The following IGSF21 variants were observed in gnomAD, a reference collection of about 807,000 sequenced individuals.
IGSF21 encodes the protein immunoglobin superfamily member 21.
Under a neutral mutation model 46.8 loss-of-function variants are expected in IGSF21, and 28 were observed. The ratio of observed to expected loss-of-function variants is 0.60; its 90% confidence interval spans 0.44 to 0.82. The LOEUF is 0.82. Ranked by LOEUF, IGSF21 falls within the 40% of genes least tolerant of loss-of-function variation. The probability of loss-of-function intolerance (pLI) is 0.00; values close to 1 mark genes in which losing one functional copy is unlikely to be tolerated. For missense variants in IGSF21, 624 were observed against 665.5 expected (o/e 0.94, Z 0.69); for synonymous variants, 284 against 273.6 (o/e 1.04, Z -0.38).
At position 18,365,982 on chromosome 1, in the gene IGSF21, CA is replaced by C. The variant is rs1557663284; in HGVS notation, c.1015+286del. On this transcript the variant is annotated intron_variant, in intron 6 of 9. Coordinates refer to ENST00000251296, the MANE Select transcript of IGSF21 (RefSeq NM_032880.5). This position sits in a 1 kb window ranked among gnomAD's most constrained non-coding sequence, Gnocchi z 4.8. Reference sequence around the variant, plus strand: ...GGATAGGGTCAGGGACACAGGAGATCAGGGGAGGTCAGAGGAGTTCCTGGAT... The same window carrying C: ...GGATAGGGTCAGGGACACAGGAGATCGGGGAGGTCAGAGGAGTTCCTGGAT... Among the ~76,000 whole-genome samples the C allele has an allele frequency of 6.6e-6, 1 of 151,910 alleles. No individual in the cohort carries two copies. The highest frequency in any genetic ancestry group is 1.5e-5 in the Non-Finnish European group (1 of 68,002).
chr1:18,252,569 G>T (rs544053393), intron 2 of IGSF21, among the ~76,000 whole-genome samples: 1 of 152,150 alleles, frequency 6.6e-6, no homozygotes, highest in Non-Finnish European at 1.5e-5. Flanking sequence ...AGTGATTTCC[G>T]GATTTCTTCT....
chr1:18,163,094 G>C (rs2086642768), intron 1 of IGSF21, among the ~76,000 whole-genome samples: 1 of 152,138 alleles, frequency 6.6e-6, no homozygotes, highest in Non-Finnish European at 1.5e-5. Context: ...TGTTTCCATG[G>C]GGCTTGGGGG....
At chr1:18,351,305 G>T (rs1331563917) in intron 4 of IGSF21, among the ~76,000 whole-genome samples, 1 of 152,020 alleles carries the variant, frequency 6.6e-6, no homozygotes, top group African/African-American at 2.4e-5. Context: ...TTCATTCTAT[G>T]GGTGGGGGGG....
intron 1 of IGSF21, among the ~76,000 whole-genome samples, chr1:18,143,755 T>A (rs1007594370): frequency 6.6e-6 from 1 of 152,144 alleles, no homozygotes; most frequent in African/African-American, 2.4e-5. Flanking sequence ...TGCCTTCCCT[T>A]CTATGTCTCT....
intron 1 of IGSF21, among the ~76,000 whole-genome samples, chr1:18,150,426 A>G (rs150775002): frequency 2.0e-5 from 3 of 152,078 alleles, no homozygotes; most frequent in Admixed American, 6.5e-5. Flanking sequence ...GTCTCAGGAT[A>G]CTTAAGGTAG....
At chr1:18,283,211 A>G (rs1054676517) in intron 2 of IGSF21, among the ~76,000 whole-genome samples, 1 of 152,142 alleles carries the variant, frequency 6.6e-6, no homozygotes, top group Non-Finnish European at 1.5e-5. Context: ...GAGACAGGCA[A>G]TTTATGACAC....
At chr1:18,342,450 C>T (rs75787975) in intron 4 of IGSF21, among the ~76,000 whole-genome samples, 2,907 of 152,222 alleles carry the variant, frequency 0.019, 41 homozygotes, top group Non-Finnish European at 0.027. Flanking sequence ...ACATGCAATC[C>T]GCTCATGTAA....
At chr1:18,257,097 C>G (rs2124532955) in intron 2 of IGSF21, among the ~76,000 whole-genome samples, 1 of 152,318 alleles carries the variant, frequency 6.6e-6, no homozygotes, top group Admixed American at 6.5e-5. Flanking sequence ...TTGCTAGGGC[C>G]TCCATGATAA....
chr1:18,371,571 C>CAA (rs35847424), intron 6 of IGSF21, among the ~76,000 whole-genome samples: 4,784 of 119,602 alleles, frequency 0.04, 183 homozygotes, highest in East Asian at 0.12. Context: ...GACTCCATTT[C>CAA]AAAAAAAAAA....
chr1:18,304,714 C>T (rs2085394421), intron 3 of IGSF21, among the ~76,000 whole-genome samples: 1 of 115,306 alleles, frequency 8.7e-6, no homozygotes, highest in Non-Finnish European at 1.8e-5. Context: ...CACATACACA[C>T]ACACACACAC....
chr1:18,136,737 C>T (rs977382478), intron 1 of IGSF21, among the ~76,000 whole-genome samples: 39 of 152,202 alleles, frequency 2.6e-4, no homozygotes, highest in Admixed American at 1.2e-3. Flanking sequence ...CTTGGCGATG[C>T]GGGCTCTTTT....
intron 6 of IGSF21, among the ~76,000 whole-genome samples, chr1:18,369,135 C>T (rs1364921546): frequency 2.6e-5 from 4 of 152,134 alleles, no homozygotes; most frequent in African/African-American, 7.2e-5. Context: ...CACAGCAGGG[C>T]CACCAAGATG....
chr1:18,224,270 A>C (rs2084540005), intron 1 of IGSF21, among the ~76,000 whole-genome samples: 1 of 152,158 alleles, frequency 6.6e-6, no homozygotes, highest in African/African-American at 2.4e-5. Flanking sequence ...ACTCTGGCCC[A>C]AACTTGGAGG....
At chr1:18,161,802 G>T (rs2124444524) in intron 1 of IGSF21, among the ~76,000 whole-genome samples, 1 of 152,264 alleles carries the variant, frequency 6.6e-6, no homozygotes, top group African/African-American at 2.4e-5. Flanking sequence ...AGGCAAAGCG[G>T]TGGAGCAAAG....
At chr1:18,186,318 T>G (rs2086902643) in intron 1 of IGSF21, among the ~76,000 whole-genome samples, 1 of 152,128 alleles carries the variant, frequency 6.6e-6, no homozygotes, top group South Asian at 2.1e-4. Context: ...TTGTTGAATC[T>G]CAATCTCTCT....
intron 1 of IGSF21, among the ~76,000 whole-genome samples, chr1:18,174,817 G>T (rs535734810): frequency 6.6e-6 from 1 of 152,230 alleles, no homozygotes; most frequent in Non-Finnish European, 1.5e-5. Context: ...TGCCCTGACA[G>T]TGGTTCTTGA....
intron 2 of IGSF21, among the ~76,000 whole-genome samples, chr1:18,252,121 G>C (rs2084848834): frequency 1.5e-5 from 2 of 134,418 alleles, no homozygotes; most frequent in African/African-American, 5.4e-5. Flanking sequence ...TGCAATCTCG[G>C]CTCACTGCAA....
intron 1 of IGSF21, among the ~76,000 whole-genome samples, chr1:18,117,413 T>C (rs1474760577): frequency 1.3e-5 from 2 of 152,212 alleles, no homozygotes; most frequent in East Asian, 1.9e-4. Flanking sequence ...CCAATGGGCA[T>C]GGGCTTTGTA....
chr1:18,374,392 C>G (rs1451895331), intron 6 of IGSF21, among the ~76,000 whole-genome samples: 1 of 152,168 alleles, frequency 6.6e-6, no homozygotes, highest in East Asian at 1.9e-4. Context: ...GCCTGATGTT[C>G]CTAACGGCCC....
Sources: gnomAD v4.1 joint callset for allele counts (sites outside exome capture counted in the v4.1 genomes callset) on GRCh38, gnomAD v4.1.1 for gene constraint, Gnocchi (gnomAD v3.1) non-coding constraint, MANE v1.5 for transcripts, NCBI Gene and HGNC (gene_info 2026-07-23, HGNC 2026-07-21) for gene names.